HOMER1: variants seen among roughly 807,000 people sequenced by gnomAD.
HOMER1 encodes the protein homer scaffold protein 1, also known as homer protein homolog 1.
Under a neutral mutation model 48.9 loss-of-function variants are expected in HOMER1, and 3 were observed. The ratio of observed to expected loss-of-function variants is 0.06; its 90% confidence interval spans 0.03 to 0.16. The LOEUF is 0.16. Among genes scored for constraint, HOMER1 ranks in the 10% least tolerant of loss-of-function variants. The pLI is 1.00. For synonymous variants in HOMER1, 134 were observed against 146.4 expected, an observed-to-expected ratio of 0.92 and a Z score of 0.61; for missense variants, 247 against 411.4, an observed-to-expected ratio of 0.60 and a Z score of 3.46.
intron 4 of HOMER1, among the ~76,000 whole-genome samples, chr5:79,446,321 T>C (rs1014579473): frequency 2.6e-5 from 4 of 152,172 alleles, no homozygotes; most frequent in African/African-American, 9.7e-5. Flanking sequence ...GCTTTACCTT[T>C]CCAATGGAAA....
rs146864368 is a variant in HOMER1, at chr5:79,400,861, C to A, written c.684+1038G>T. Among the ~76,000 whole-genome samples the A allele has an allele frequency of 8.2e-4, 120 of 146,180 alleles. 1 individual carries two copies. The highest frequency in any genetic ancestry group is 2.9e-3 in the African/African-American group (114 of 39,742). ...CTGGGCTCAAGCAATCCTTCCCACT[C>A]AGCATTCCAAGTAGCTAGGACTACA... On this transcript the variant is annotated intron_variant, in intron 6 of 8. Coordinates refer to ENST00000334082, the MANE Select transcript of HOMER1 (RefSeq NM_004272.5).
chr5:79,411,406 A>C (rs960620298), intron 5 of HOMER1, among the ~76,000 whole-genome samples: 3 of 151,974 alleles, frequency 2.0e-5, no homozygotes, highest in Non-Finnish European at 4.4e-5. Flanking sequence ...GATTGCTTGA[A>C]CCCAAGAGGT....
intron 1 of HOMER1, 96 bp downstream of exon 1, chr5:79,512,672 CAA>C (rs1752974783): frequency 1.7e-6 from 2 of 1,174,648 alleles, no homozygotes; most frequent in Middle Eastern, 1.9e-4. Flanking sequence ...AGCAAGGTGG[CAA>C]GTTTGTTTGA....
intron 1 of HOMER1, among the ~76,000 whole-genome samples, chr5:79,501,345 C>T (rs184591789): frequency 1.0e-3 from 159 of 152,214 alleles, no homozygotes; most frequent in African/African-American, 3.8e-3. Flanking sequence ...ATATAACATA[C>T]AAAATATGTG....
rs1580053223 is a variant in HOMER1 at position 79,512,902 on chromosome 5, A to G, written c.-128T>C. ...CACCCCCAGATCCTTGTCCGGAGGT[A>G]TTTCAAGGATGCTGCCAATTCAATT... On this transcript the variant is annotated 5_prime_UTR_variant, in exon 1 of 9. Coordinates refer to ENST00000334082, the MANE Select transcript of HOMER1 (RefSeq NM_004272.5). The G allele has an allele frequency of 1.3e-6, 1 of 796,106 alleles. No homozygotes were observed. The highest frequency in any genetic ancestry group is 2.2e-6 in the Non-Finnish European group (1 of 463,324). The allele number at this position is 796,106 out of a possible 1,614,324, so 49.3% of individuals were successfully genotyped here.
intron 5 of HOMER1, among the ~76,000 whole-genome samples, chr5:79,402,517 C>T (rs1470952287): frequency 6.6e-6 from 1 of 152,116 alleles, no homozygotes; most frequent in East Asian, 1.9e-4. Context: ...AACACAAATA[C>T]TTTACCAAAA....
chr5:79,455,874 C>T (rs28507717), intron 2 of HOMER1, among the ~76,000 whole-genome samples: 96,245 of 151,990 alleles, frequency 0.63, 33,693 homozygotes, highest in East Asian at 0.99. Context: ...AAGGATCCCC[C>T]GTCCCAGCGC....
At chr5:79,486,689 TAAC>T (rs1752111760) in intron 1 of HOMER1, among the ~76,000 whole-genome samples, 1 of 152,126 alleles carries the variant, frequency 6.6e-6, no homozygotes, top group Admixed American at 6.5e-5. Flanking sequence ...CCCAAGCTAT[TAAC>T]AATAATGCCA....
At chr5:79,397,689 T>C (rs1022078221) in intron 6 of HOMER1, 52 bp from the exon 7 acceptor site, 3 of 1,023,110 alleles carry the variant, frequency 2.9e-6, no homozygotes, top group African/African-American at 1.6e-5. Context: ...TTAAAGAGTT[T>C]CTTGCTAAAT....
At chr5:79,392,017 CAT>C (rs1377743805) in intron 8 of HOMER1, among the ~76,000 whole-genome samples, 2 of 152,114 alleles carry the variant, frequency 1.3e-5, no homozygotes, top group East Asian at 1.9e-4. Flanking sequence ...ATGCCGTACT[CAT>C]GTGTTTGTGG....
chr5:79,491,769 T>A (rs1752285377), intron 1 of HOMER1, among the ~76,000 whole-genome samples: 1 of 152,212 alleles, frequency 6.6e-6, no homozygotes, highest in Admixed American at 6.5e-5. Context: ...TAGCTATGAG[T>A]TATTGAGAAG....
At position 79,374,038 on chromosome 5, in the gene HOMER1, A is replaced by G. The variant is rs571703485; in HGVS notation, c.*1971T>C. The G allele has an allele frequency of 6.6e-6, 1 of 152,108 alleles. No individual in the cohort carries two copies. The highest frequency in any genetic ancestry group is 2.1e-4 in the South Asian group (1 of 4,826). The allele number at this position is 152,108 out of a possible 1,614,324, so 9.4% of individuals were successfully genotyped here. A position where few individuals can be genotyped will look rare whatever the true frequency, so the allele number is the denominator to read the frequency against. ...TTCAACAGCTTACACTGTTTTTTAA[A>G]TTTTTTTAACTCTTCATACTAAACT... On this transcript the variant is annotated 3_prime_UTR_variant, in exon 9 of 9. Coordinates refer to ENST00000334082, the MANE Select transcript of HOMER1 (RefSeq NM_004272.5).
intron 5 of HOMER1, among the ~76,000 whole-genome samples, chr5:79,411,051 T>A (rs1749801900): frequency 6.6e-6 from 1 of 152,212 alleles, no homozygotes; most frequent in Middle Eastern, 3.2e-3. Flanking sequence ...TTTATTCTTG[T>A]GGCTGTTCAG....
chr5:79,463,205 G>A (rs1469974460), intron 1 of HOMER1, among the ~76,000 whole-genome samples: 2 of 152,166 alleles, frequency 1.3e-5, no homozygotes, highest in Admixed American at 1.3e-4. Context: ...CCATATGACT[G>A]TGAGCTTCGC....
chr5:79,453,984 T>G (rs1242218845), intron 2 of HOMER1, among the ~76,000 whole-genome samples: 2 of 152,290 alleles, frequency 1.3e-5, no homozygotes, highest in Non-Finnish European at 2.9e-5. Flanking sequence ...GAAAATGTGA[T>G]AGAAAATATA....
intron 1 of HOMER1, among the ~76,000 whole-genome samples, chr5:79,473,043 G>A (rs1751666210): frequency 6.6e-6 from 1 of 152,130 alleles, no homozygotes; most frequent in South Asian, 2.1e-4. Flanking sequence ...AGCTTGCCCT[G>A]AGGGATCCCA....
chr5:79,442,071 C>T (rs1363465762), intron 4 of HOMER1, among the ~76,000 whole-genome samples: 1 of 151,480 alleles, frequency 6.6e-6, no homozygotes, highest in Non-Finnish European at 1.5e-5. Context: ...TTTCTATTGA[C>T]TTTATATCCT....
chr5:79,471,410 G>A (rs1430921552), intron 1 of HOMER1, among the ~76,000 whole-genome samples: 1 of 152,008 alleles, frequency 6.6e-6, no homozygotes, highest in Non-Finnish European at 1.5e-5. Flanking sequence ...GCCGGGCATG[G>A]TGGCATGTAC....
At chr5:79,450,808 A>G (rs1751007639) in intron 3 of HOMER1, among the ~76,000 whole-genome samples, 182 bp downstream of exon 3, 1 of 152,240 alleles carries the variant, frequency 6.6e-6, no homozygotes, top group South Asian at 2.1e-4. Context: ...TTTAATGTGT[A>G]CATTTTCCAA....
Sources: allele counts gnomAD v4.1 joint callset (sites outside exome capture counted in the v4.1 genomes callset), GRCh38; gene constraint gnomAD v4.1.1; transcripts MANE v1.5; gene names NCBI Gene and HGNC (gene_info 2026-07-23, HGNC 2026-07-21).